VDAC1: variants seen among roughly 807,000 people sequenced by gnomAD.
VDAC1 encodes voltage dependent anion channel 1, also known as non-selective voltage-gated ion channel VDAC1.
Under a neutral mutation model 34.7 loss-of-function variants are expected in VDAC1, and 10 were observed. The ratio of observed to expected loss-of-function variants is 0.29; its 90% CI spans 0.18 to 0.49. The LOEUF is 0.49. Ranked by LOEUF, VDAC1 falls within the 20% of genes least tolerant of loss-of-function variation. The pLI is 0.99. For synonymous variants in VDAC1, 130 were observed against 136.0 expected (o/e 0.96, Z 0.30); for missense variants, 230 against 347.9 (o/e 0.66, Z 2.69).
chr5:134,024,698 G>A, the VDAC1 span, among the ~76,000 whole-genome samples: 2 of 152,142 alleles, frequency 1.3e-5, no homozygotes, highest in Non-Finnish European at 2.9e-5. Flanking sequence ...CTGGGCAGCT[G>A]TGCTGCCCTC....
chr5:134,059,931 G>A, the VDAC1 span, among the ~76,000 whole-genome samples: 1 of 147,384 alleles, frequency 6.8e-6, no homozygotes, highest in Non-Finnish European at 1.5e-5. Context: ...GGCCCAGGGA[G>A]ACTGTGTGTC....
At chr5:134,085,755 T>C in the VDAC1 span, among the ~76,000 whole-genome samples, 1 of 51,316 alleles carries the variant, frequency 1.9e-5, no homozygotes, top group East Asian at 7.3e-4. Context: ...AAAAAAAAAT[T>C]TCATTAGCTG....
chr5:134,001,273 T>C (rs1753540442), intron 1 of VDAC1, among the ~76,000 whole-genome samples: 1 of 152,188 alleles, frequency 6.6e-6, no homozygotes, highest in Non-Finnish European at 1.5e-5. Context: ...TGCTCGAGTC[T>C]GCTGACCTGT....
intron 3 of VDAC1, among the ~76,000 whole-genome samples, chr5:133,992,005 G>A (rs574880750): frequency 8.5e-4 from 129 of 152,308 alleles, no homozygotes; most frequent in Middle Eastern, 3.4e-3. Context: ...GGGAGGCCAA[G>A]GTGGGCGGAT....
In VDAC1 at chr5:133,991,140, T is replaced by G. The variant is rs774393971; in HGVS notation, c.132A>C (p.Ser44=). 11 of 1,611,582 alleles carry G rather than the reference T, an allele frequency of 6.8e-6. No individual in the cohort carries two copies. Among genetic ancestry groups the G allele is most frequent in the Non-Finnish European group, 9.3e-6 (11 of 1,179,988 alleles). Residue 44 remains serine (S), a synonymous_variant, in exon 4 of 9, where the codon TCA becomes TCC. Coordinates refer to ENST00000265333, the MANE Select transcript of VDAC1 (RefSeq NM_003374.3). ...KSENGLEFTS[S]GSANTETTKV... ...TGGTGGTCTCAGTGTTGGCTGAGCC[T>G]GAGCTTGTAAATTCCTTCAAAGGAG...
At chr5:133,998,516 C>CA (rs1753419733) in intron 1 of VDAC1, among the ~76,000 whole-genome samples, 1 of 152,146 alleles carries the variant, frequency 6.6e-6, no homozygotes, top group Non-Finnish European at 1.5e-5. Context: ...GCCTGGGTGA[C>CA]AGAGCGAGAG....
At chr5:134,013,342 G>A in the VDAC1 span, among the ~76,000 whole-genome samples, 2 of 152,146 alleles carry the variant, frequency 1.3e-5, no homozygotes, top group African/African-American at 2.4e-5. Context: ...AACTGAGGTG[G>A]GAGGATCACT....
At chr5:134,066,387 T>C in the VDAC1 span, among the ~76,000 whole-genome samples, 2 of 152,266 alleles carry the variant, frequency 1.3e-5, no homozygotes, top group Admixed American at 6.5e-5. Flanking sequence ...ATAGACAATA[T>C]ATAACAAATG....
At chr5:134,037,109 G>A in the VDAC1 span, among the ~76,000 whole-genome samples, 8 of 152,142 alleles carry the variant, frequency 5.3e-5, no homozygotes, top group Admixed American at 5.2e-4. Flanking sequence ...AACAACCACA[G>A]CACAAACAGG....
chr5:133,994,081 C>T (rs866149157), intron 1 of VDAC1, among the ~76,000 whole-genome samples: 12 of 152,292 alleles, frequency 7.9e-5, no homozygotes, highest in African/African-American at 2.9e-4. Context: ...TGCATATATA[C>T]CATCTGAAGT....
intron 5 of VDAC1, among the ~76,000 whole-genome samples, chr5:133,990,049 C>G (rs1475335104): frequency 6.6e-6 from 1 of 152,170 alleles, no homozygotes; most frequent in Non-Finnish European, 1.5e-5. Context: ...GAAGACCCAC[C>G]AATATGAGTG....
At chr5:134,033,889 G>A in the VDAC1 span, among the ~76,000 whole-genome samples, 1 of 152,028 alleles carries the variant, frequency 6.6e-6, no homozygotes. Context: ...CTACTTGGGA[G>A]GCTGAGGCAG....
intron 1 of VDAC1, among the ~76,000 whole-genome samples, chr5:134,000,371 T>C (rs1240616418): frequency 2.6e-5 from 4 of 152,170 alleles, no homozygotes; most frequent in Non-Finnish European, 5.9e-5. Context: ...CACAGCTGAG[T>C]TCCATGCTGA....
chr5:134,071,287 G>T, the VDAC1 span, among the ~76,000 whole-genome samples: 1 of 152,224 alleles, frequency 6.6e-6, no homozygotes, highest in Non-Finnish European at 1.5e-5. The surrounding 1 kb of genome is among the most constrained non-coding windows in gnomAD (Gnocchi z 4.1). Flanking sequence ...GCGGGAGGGG[G>T]CAGCCAGCGC....
the VDAC1 span, among the ~76,000 whole-genome samples, chr5:134,056,718 T>C: frequency 1.3e-5 from 2 of 152,204 alleles, no homozygotes; most frequent in African/African-American, 2.4e-5. Context: ...GGAGTTTCGC[T>C]CTTTTTGCCC....
Position 133,980,923 on chromosome 5 carries a change from C to A in VDAC1, c.357G>T (p.Lys119Asn), listed in dbSNP as rs768054563. The change falls in exon 6 of 9, where the codon AAG (lysine) becomes AAT (asparagine). Residue 119 changes from lysine (K) to asparagine (N), a missense_variant. Physicochemically the swap from Lys to Asn is moderately conservative, Grantham distance 94. Transcript: ENST00000265333. ...CGCAGCCCAGGTTAATGTGCTCCCG[C>A]TTGTACCCTGTCTTGATTTTAGCAT... ...KKNAKIKTGY[K>N]REHINLGCDM... 2 of 1,613,892 alleles carry A rather than the reference C, an allele frequency of 1.2e-6. No individual in the cohort carries two copies. Among genetic ancestry groups the A allele is most frequent in the African/African-American group, 2.7e-5 (2 of 74,868 alleles).
chr5:134,022,766 T>C, the VDAC1 span, among the ~76,000 whole-genome samples: 1 of 152,210 alleles, frequency 6.6e-6, no homozygotes, highest in African/African-American at 2.4e-5. Flanking sequence ...TGCATTCAAC[T>C]GTAAAAATGA....
the VDAC1 span, among the ~76,000 whole-genome samples, chr5:134,087,753 G>A: frequency 6.6e-6 from 1 of 151,826 alleles, no homozygotes; most frequent in Non-Finnish European, 1.5e-5. Context: ...CTACTCAGGA[G>A]GCTGAGGCAG....
chr5:133,981,060 G>T lies in VDAC1; in HGVS notation c.324-104C>A, dbSNP rs1580711965. ...CCAGGTCAAATAAAGGGAGTGGGGT[G>T]GGGGTGAAGTCAGGGCTCCAGTTCT... is the stretch of plus-strand genomic sequence containing the variant. On this transcript the variant is annotated intron_variant, in intron 5 of 8. Transcript: ENST00000265333. 2.6e-5 allele frequency: 25 copies of T among 969,860 alleles called. No homozygotes were observed. In the East Asian group the frequency reaches 6.4e-4, roughly 25 times the overall value. The allele number at this position is 969,860 out of a possible 1,614,324, so 60.1% of individuals were successfully genotyped here. A position where few individuals can be genotyped will look rare whatever the true frequency, so the allele number is the denominator to read the frequency against.
Sources: allele counts gnomAD v4.1 joint callset (sites outside exome capture counted in the v4.1 genomes callset), GRCh38; gene constraint gnomAD v4.1.1; non-coding constraint Gnocchi (gnomAD v3.1); transcripts MANE v1.5; gene names NCBI Gene and HGNC (gene_info 2026-07-23, HGNC 2026-07-21).